Variants in PDHX observed in about 807,000 individuals in gnomAD.
The protein encoded by PDHX is pyruvate dehydrogenase complex component X.
A neutral mutation model predicts 55.3 loss-of-function variants in PDHX; 33 were observed. That is an observed-to-expected ratio of 0.60 (90% CI 0.45 to 0.80). The LOEUF is 0.80. Ranked by LOEUF, PDHX falls within the 30% of genes least tolerant of loss-of-function variation. The pLI is 0.00. For synonymous variants in PDHX, 226 were observed against 219.4 expected (o/e 1.03, Z -0.27); for missense variants, 622 against 619.9 (o/e 1.00, Z -0.04).
At chr11:34,933,432 A>G (rs938444624) in intron 2 of PDHX, among the ~76,000 whole-genome samples, 10 of 152,202 alleles carry the variant, frequency 6.6e-5, no homozygotes, top group African/African-American at 2.4e-4. Context: ...TGGTATTGTT[A>G]TTCTAAGGCT....
At chr11:34,950,348 GTTTGTTTA>G (rs932626978) in intron 3 of PDHX, among the ~76,000 whole-genome samples, 28 of 150,066 alleles carry the variant, frequency 1.9e-4, no homozygotes, top group African/African-American at 6.6e-4. Flanking sequence ...TTTTTTTAAT[GTTTGTTTA>G]TTTATTTATT....
intron 1 of PDHX, among the ~76,000 whole-genome samples, chr11:34,923,415 C>G (rs187111033): frequency 4.4e-4 from 67 of 152,136 alleles, no homozygotes; most frequent in Non-Finnish European, 8.5e-4. Context: ...AAAGCTATAC[C>G]ACTAACTTCT....
chr11:34,952,965 C>T (rs1012560114), intron 3 of PDHX, among the ~76,000 whole-genome samples: 21 of 152,014 alleles, frequency 1.4e-4, no homozygotes, highest in Admixed American at 1.2e-3. Flanking sequence ...CCAAAATCTC[C>T]TTAAGCTAAT....
Position 34,957,542 on chromosome 11 carries a change from T to C in PDHX, c.501T>C (p.Ile167=), listed in dbSNP as rs139085745. ...SEPRPSPEPQ[I]SIPVKKEHIP... ...CTCGCCCCTCACCAGAACCACAGAT[T>C]TCCATCCCTGTCAAGAAGGAACACA... is the stretch of plus-strand genomic sequence containing the variant. The change falls in exon 4 of 11, where the codon ATT becomes ATC. Residue 167 remains isoleucine (I), a synonymous_variant. Transcript: ENST00000227868. The C allele has an allele frequency of 1.9e-6, 3 of 1,614,068 alleles. No individual in the cohort carries two copies. The highest frequency in any genetic ancestry group is 2.5e-6 in the Non-Finnish European group (3 of 1,179,994).
intron 5 of PDHX, among the ~76,000 whole-genome samples, chr11:34,966,333 A>G (rs1210748311): frequency 6.6e-6 from 1 of 152,198 alleles, no homozygotes; most frequent in Non-Finnish European, 1.5e-5. Context: ...CATCTACCAA[A>G]TAACGTCCAC....
chr11:34,952,010 AT>A (rs1444515586), intron 3 of PDHX, among the ~76,000 whole-genome samples: 1 of 152,072 alleles, frequency 6.6e-6, no homozygotes, highest in Non-Finnish European at 1.5e-5. Context: ...ATAGTTGTAG[AT>A]ATGCGGCGTT....
chr11:34,966,153 C>T (rs1475288820), intron 5 of PDHX, among the ~76,000 whole-genome samples: 1 of 152,026 alleles, frequency 6.6e-6, no homozygotes, highest in Non-Finnish European at 1.5e-5. Flanking sequence ...ATTTCCTGGT[C>T]ATAAATAAGC....
At chr11:34,953,303 G>C (rs1209908792) in intron 3 of PDHX, among the ~76,000 whole-genome samples, 1 of 152,100 alleles carries the variant, frequency 6.6e-6, no homozygotes, top group Non-Finnish European at 1.5e-5. Context: ...TCCCCATCAA[G>C]CTACCAATGC....
intron 1 of PDHX, among the ~76,000 whole-genome samples, chr11:34,920,701 C>G (rs1349403028): frequency 6.6e-6 from 1 of 152,110 alleles, no homozygotes; most frequent in Non-Finnish European, 1.5e-5. Context: ...TACATCTTAG[C>G]AAGGCTGAAT....
Position 34,973,646 on chromosome 11 carries a change from C to T in PDHX, c.964+3360C>T, listed in dbSNP as rs1023053793. Among the ~76,000 whole-genome samples, 13 of 152,188 alleles carry T rather than the reference C, an allele frequency of 8.5e-5. No homozygotes were observed. In the East Asian group the frequency reaches 2.5e-3, roughly 29 times the overall value. On this transcript the variant is annotated intron_variant, in intron 7 of 10. Coordinates refer to ENST00000227868, the MANE Select transcript of PDHX (RefSeq NM_003477.3). ...TGGCTTCAAATTGTATTACACCCCACTCCATGTTTAATATAAGAACCTCAT... is the reference window on the plus strand; with the variant it reads ...TGGCTTCAAATTGTATTACACCCCATTCCATGTTTAATATAAGAACCTCAT...
chr11:34,923,584 T>C lies in PDHX; in HGVS notation c.160+6769T>C, dbSNP rs545155063. Among the ~76,000 whole-genome samples the C allele has an allele frequency of 5.3e-5, 8 of 152,268 alleles. No homozygotes were observed. In the South Asian group the frequency reaches 1.5e-3, roughly 28 times the overall value. On this transcript the variant is annotated intron_variant, in intron 1 of 10. Coordinates refer to ENST00000227868, the MANE Select transcript of PDHX (RefSeq NM_003477.3). ...TTTTTTTGGATAATAGCCATCCTAA[T>C]AGATATTAAGTAATACTAGTACAGA... is the stretch of plus-strand genomic sequence containing the variant.
At chr11:34,931,894 A>G (rs745356295) in intron 2 of PDHX, among the ~76,000 whole-genome samples, 1 of 151,864 alleles carries the variant, frequency 6.6e-6, no homozygotes, top group Non-Finnish European at 1.5e-5. Flanking sequence ...ATTGAAAAGA[A>G]CAAATAAGTA....
In PDHX at chr11:34,980,352, C is replaced by CTTTTTTTTT. The variant is rs57927359; in HGVS notation, c.1023+2176_1023+2184dup. Among the ~76,000 whole-genome samples the CTTTTTTTTT allele has an allele frequency of 2.9e-4, 22 of 74,858 alleles. 3 individuals are homozygous for CTTTTTTTTT. The highest frequency in any genetic ancestry group is 1.0e-3 in the African/African-American group (21 of 20,000). The allele number at this position is 74,858 out of a possible 152,430, so 49.1% of individuals were successfully genotyped here. On this transcript the variant is annotated intron_variant, in intron 8 of 10. Transcript: ENST00000227868. ...TTTTTAATAAGGTTTAAGATAGTTT[C>CTTTTTTTTT]TTTTTTTTTTTTTTGAGCAGCAGCA...
At chr11:34,993,445 C>G (rs572123320) in intron 10 of PDHX, among the ~76,000 whole-genome samples, 1 of 152,206 alleles carries the variant, frequency 6.6e-6, no homozygotes, top group South Asian at 2.1e-4. Flanking sequence ...ACATGTAGAT[C>G]ACAATTCAAC....
At chr11:34,937,871 A>T (rs546253574) in intron 2 of PDHX, among the ~76,000 whole-genome samples, 1 of 152,306 alleles carries the variant, frequency 6.6e-6, no homozygotes, top group South Asian at 2.1e-4. Flanking sequence ...CAAACCATAC[A>T]GAATTTGCAG....
intron 5 of PDHX, among the ~76,000 whole-genome samples, chr11:34,964,019 A>G (rs1855077100): frequency 6.6e-6 from 1 of 152,208 alleles, no homozygotes; most frequent in South Asian, 2.1e-4. Context: ...TGTCACACCC[A>G]AATGAATTGC....
At chr11:34,968,779 T>C (rs1855191559) in intron 6 of PDHX, among the ~76,000 whole-genome samples, 1 of 152,220 alleles carries the variant, frequency 6.6e-6, no homozygotes, top group Admixed American at 6.5e-5. Context: ...ACCCTTCAGT[T>C]ACCTTTCATG....
intron 3 of PDHX, among the ~76,000 whole-genome samples, chr11:34,948,597 T>TA (rs1854681467): frequency 1.3e-5 from 2 of 150,068 alleles, no homozygotes; most frequent in Admixed American, 6.7e-5. Context: ...TTTAGCCACT[T>TA]ATGTTGTATT....
At chr11:34,955,636 A>G (rs1854889214) in intron 3 of PDHX, among the ~76,000 whole-genome samples, 1 of 152,280 alleles carries the variant, frequency 6.6e-6, no homozygotes, top group South Asian at 2.1e-4. Context: ...TGAAATGATG[A>G]TAAATGCTGT....
Sources: allele counts gnomAD v4.1 joint callset (sites outside exome capture counted in the v4.1 genomes callset), GRCh38; gene constraint gnomAD v4.1.1; transcripts MANE v1.5; gene names NCBI Gene and HGNC (gene_info 2026-07-23, HGNC 2026-07-21).